Variants in WWOX observed in about 807,000 individuals in gnomAD.
The protein encoded by WWOX is WW domain containing oxidoreductase, also known as WW domain-containing oxidoreductase.
WWOX carries 69 observed loss-of-function variants against 46.2 expected under a neutral mutation model. The ratio of observed to expected loss-of-function variants is 1.49; its 90% CI spans 1.23 to 1.82. The LOEUF (loss-of-function observed/expected upper bound fraction) is 1.82. Among genes scored for constraint, WWOX ranks in the 40% most tolerant of loss-of-function variants. The pLI is 0.00. For synonymous variants in WWOX, 359 were observed against 202.6 expected (o/e 1.77, Z -6.56); for missense variants, 919 against 542.6 (o/e 1.69, Z -6.89).
intron 8 of WWOX, among the ~76,000 whole-genome samples, chr16:78,878,338 C>A (rs1048040581): frequency 1.3e-5 from 2 of 152,126 alleles, no homozygotes; most frequent in Non-Finnish European, 2.9e-5. Flanking sequence ...TGCAGGCAGG[C>A]CCCTGGGTTC....
rs376654230 is a variant in WWOX at position 78,659,097 on chromosome 16, AAAAC to A, written c.1056+226361_1056+226364del. Among the ~76,000 whole-genome samples the A allele has an allele frequency of 9.2e-3, 1,379 of 150,246 alleles. 10 individuals carry two copies. Among genetic ancestry groups the A allele is most frequent in the Middle Eastern group, 0.014 (4 of 288 alleles). ...ATAGAGTGAGAATCCGTCTCAAAAA[AAAAC>A]AAACAAACAAACAAAAAAAAAACAA... is the stretch of plus-strand genomic sequence containing the variant. On this transcript the variant is annotated intron_variant, in intron 8 of 8. Transcript: ENST00000566780.
At chr16:78,380,680 C>A (rs550437259) in intron 5 of WWOX, among the ~76,000 whole-genome samples, 1 of 152,130 alleles carries the variant, frequency 6.6e-6, no homozygotes, top group South Asian at 2.1e-4. Flanking sequence ...GTATCATGTT[C>A]TGCTCCAACT....
chr16:79,211,097 A>G (rs2051726813), intron 8 of WWOX, among the ~76,000 whole-genome samples: 1 of 150,812 alleles, frequency 6.6e-6, no homozygotes, highest in Non-Finnish European at 1.5e-5. Flanking sequence ...CCCTTCCCCT[A>G]GCAGCACCGT....
In WWOX at chr16:78,785,452, C is replaced by G. The variant is rs116699141; in HGVS notation, c.1056+352700C>G. Among the ~76,000 whole-genome samples, 1,059 of 152,324 alleles carry G rather than the reference C, an allele frequency of 7.0e-3. 20 individuals carry two copies. The highest frequency in any genetic ancestry group is 0.024 in the African/African-American group (1,010 of 41,570). On this transcript the variant is annotated intron_variant, in intron 8 of 8. Transcript: ENST00000566780. ...TGGTGTGCTGGTAAATGATTAACAA[C>G]TGGCTCTCTGAAAAACAAACAAACA...
intron 8 of WWOX, among the ~76,000 whole-genome samples, chr16:78,989,071 G>A (rs956653900): frequency 6.6e-6 from 1 of 152,154 alleles, no homozygotes; most frequent in Non-Finnish European, 1.5e-5. Flanking sequence ...AACTTGTAGA[G>A]CTTTGGGACT....
rs139493119 is a variant in WWOX, at chr16:79,178,910, T to G, written c.1057-32698T>G. 4.9e-3 allele frequency among the ~76,000 whole-genome samples: 744 copies of G among 152,354 alleles called. 6 individuals carry two copies. Among genetic ancestry groups the G allele is most frequent in the African/African-American group, 0.018 (731 of 41,588 alleles). ...CATGGTGGCACAGAGAGCTGTTTAG[T>G]TAGAAGACTGAGTATTATATTTCCC... On this transcript the variant is annotated intron_variant, in intron 8 of 8. Transcript: ENST00000566780.
At chr16:79,205,381 T>G (rs2051476190) in intron 8 of WWOX, 1 of 152,236 alleles carries the variant, frequency 6.6e-6, no homozygotes, top group Non-Finnish European at 1.5e-5. Flanking sequence ...TTTTTCTACC[T>G]TTGTGAACCT....
At chr16:78,760,876 C>G (rs777833713) in intron 8 of WWOX, among the ~76,000 whole-genome samples, 6 of 152,162 alleles carry the variant, frequency 3.9e-5, no homozygotes, top group Non-Finnish European at 7.4e-5. Flanking sequence ...GGAGGCCTCA[C>G]AATCATAATG....
chr16:78,235,848 C>G (rs549422489), intron 5 of WWOX, among the ~76,000 whole-genome samples: 96 of 152,312 alleles, frequency 6.3e-4, no homozygotes, highest in Non-Finnish European at 1.3e-3. Flanking sequence ...TCACTGGGAA[C>G]CTGTGAGTGG....
chr16:79,129,209 G>A lies in WWOX; in HGVS notation c.1057-82399G>A, dbSNP rs534997152. Among the ~76,000 whole-genome samples, 50 of 151,800 alleles carry A rather than the reference G, an allele frequency of 3.3e-4. 1 individual carries two copies. The highest frequency in any genetic ancestry group is 5.8e-4 in the East Asian group (3 of 5,164). ...TCAAGACAAGTCTAAGAGAAGGTGG[G>A]GAGAGACCATCAGGGCCTAGGATTG... On this transcript the variant is annotated intron_variant, in intron 8 of 8. Transcript: ENST00000566780.
chr16:78,609,612 C>T (rs956267383), intron 8 of WWOX, among the ~76,000 whole-genome samples: 2 of 151,702 alleles, frequency 1.3e-5, no homozygotes, highest in African/African-American at 2.4e-5. Context: ...CTTCACCAGG[C>T]AGGCTCTTGG....
chr16:78,442,069 G>A (rs1454242769), intron 8 of WWOX, among the ~76,000 whole-genome samples: 1 of 151,518 alleles, frequency 6.6e-6, no homozygotes, highest in Non-Finnish European at 1.5e-5. Context: ...CCTGGGAGTT[G>A]GAGGCTGCAG....
intron 8 of WWOX, among the ~76,000 whole-genome samples, chr16:78,637,882 A>G (rs2046612586): frequency 6.6e-6 from 1 of 152,066 alleles, no homozygotes. Context: ...GGACCTCTGT[A>G]ATTGGTACCA....
chr16:78,100,688 C>T (rs1296195930), intron 1 of WWOX, among the ~76,000 whole-genome samples: 1 of 152,310 alleles, frequency 6.6e-6, no homozygotes, highest in South Asian at 2.1e-4. Context: ...GTTTTTTCAC[C>T]TGTAAAATGG....
intron 8 of WWOX, among the ~76,000 whole-genome samples, chr16:79,184,224 A>G (rs907356456): frequency 2.6e-5 from 4 of 152,228 alleles, no homozygotes; most frequent in African/African-American, 9.6e-5. Context: ...TTAGTGTAAC[A>G]GTCTATAGTA....
intron 1 of WWOX, chr16:78,100,311 G>C (rs966160238): frequency 1.0e-5 from 10 of 984,782 alleles, no homozygotes; most frequent in African/African-American, 1.8e-5. Flanking sequence ...GGAGTGCAGG[G>C]GTGCCATCAT....
intron 8 of WWOX, among the ~76,000 whole-genome samples, chr16:78,540,152 A>G (rs1057219100): frequency 6.6e-6 from 1 of 151,976 alleles, no homozygotes; most frequent in Non-Finnish European, 1.5e-5. Context: ...AGAGAGTGAT[A>G]TATTCATATA....
rs543335240 is a variant in WWOX at position 79,192,883 on chromosome 16, C to T, written c.1057-18725C>T. ...CTGAGCTCTAATTTCCTCACAGGGCCGCAGGACTGAGGTTAAGGACCTGCT... is the reference window on the plus strand; with the variant it reads ...CTGAGCTCTAATTTCCTCACAGGGCTGCAGGACTGAGGTTAAGGACCTGCT... On this transcript the variant is annotated intron_variant, in intron 8 of 8. Transcript: ENST00000566780. 1.1e-4 allele frequency among the ~76,000 whole-genome samples: 16 copies of T among 152,256 alleles called. 1 individual carries two copies. The highest frequency in any genetic ancestry group is 2.6e-4 in the Admixed American group (4 of 15,304).
chr16:79,131,010 T>C (rs141553030), intron 8 of WWOX, among the ~76,000 whole-genome samples: 1 of 152,318 alleles, frequency 6.6e-6, no homozygotes, highest in African/African-American at 2.4e-5. Flanking sequence ...TAATCCTTTT[T>C]TGGATGAAGT....
Sources: gnomAD v4.1 joint callset for allele counts (sites outside exome capture counted in the v4.1 genomes callset) on GRCh38, gnomAD v4.1.1 for gene constraint, MANE v1.5 for transcripts, NCBI Gene and HGNC (gene_info 2026-07-23, HGNC 2026-07-21) for gene names.